The following ADGRG4 variants were observed in gnomAD, a reference collection of about 807,000 sequenced individuals.
ADGRG4 encodes adhesion G protein-coupled receptor G4.
Under a neutral mutation model 126.2 loss-of-function variants are expected in ADGRG4, and 122 were observed. The ratio of observed to expected loss-of-function variants is 0.97; its 90% CI spans 0.83 to 1.12. The LOEUF (loss-of-function observed/expected upper bound fraction) is 1.12, where lower values mean the gene tolerates loss of function less well. Ranked by LOEUF, ADGRG4 falls within the 50% of genes most tolerant of loss-of-function variation. The pLI is 0.00. For missense variants in ADGRG4, 2,481 were observed against 2,251.8 expected, an observed-to-expected ratio of 1.10 and a Z score of -2.06; for synonymous variants, 943 against 838.7, an observed-to-expected ratio of 1.12 and a Z score of -2.15.
chrX:136,394,909 C>T (rs764094791), intron 18 of ADGRG4, among the ~76,000 whole-genome samples: 1 of 111,650 alleles, frequency 9.0e-6, no homozygotes, highest in Admixed American at 9.5e-5. Context: ...AGAGCAGAGG[C>T]TCTAATTGGC....
chrX:136,400,024 G>T lies in ADGRG4; in HGVS notation c.8483G>T (p.Gly2828Val). 8.3e-7 allele frequency: 1 copy of T among 1,207,488 alleles called. No homozygotes were observed. The highest frequency in any genetic ancestry group is 1.1e-6 in the Non-Finnish European group (1 of 891,744). Residue 2828 changes from glycine (G) to valine (V), a missense_variant, in exon 21 of 26, where the codon GGC becomes GTC. By Grantham distance (109) the Gly-to-Val change is moderately radical. Transcript: ENST00000394143. ...CTGCTTGTTTCTTTTACTTGGATGG[G>T]CCTGGAGGCAGTCCACATGTATTTG... ...YFLLVSFTWM[G>V]LEAVHMYLAL...
intron 25 of ADGRG4, among the ~76,000 whole-genome samples, chrX:136,415,734 T>C (rs913930575): frequency 2.7e-5 from 3 of 111,860 alleles, no homozygotes; most frequent in African/African-American, 9.8e-5. Flanking sequence ...ATAACATTTT[T>C]CAAGAGGGTT....
At chrX:136,307,173 C>A (rs1364600199) in intron 3 of ADGRG4, among the ~76,000 whole-genome samples, 6 of 112,327 alleles carry the variant, frequency 5.3e-5, no homozygotes, top group Non-Finnish European at 1.1e-4. Context: ...TGCTGAAAAT[C>A]CCATTTTATA....
At chrX:136,416,195 G>A (rs2075474591) in intron 25 of ADGRG4, among the ~76,000 whole-genome samples, 1 of 111,607 alleles carries the variant, frequency 9.0e-6, no homozygotes, top group Middle Eastern at 4.2e-3. Flanking sequence ...CCTCTCCTAG[G>A]TTAAGGTTAA....
At position 136,393,699 on chromosome X, in the gene ADGRG4, T is replaced by G; in HGVS notation, c.8080+119T>G. 4 of 493,370 alleles carry G rather than the reference T, an allele frequency of 8.1e-6. No individual in the cohort carries two copies. In the Middle Eastern group the frequency reaches 1.4e-3, roughly 169 times the overall value. 40.7% of individuals were successfully genotyped at this position (493,370 alleles called of 1,213,427 possible). On this transcript the variant is annotated intron_variant, in intron 18 of 25. Transcript: ENST00000394143. ...ATCAGACCCTACAGAGCATTCTGAA[T>G]GACCAAGATACAGGATATGATTTTT... is the stretch of plus-strand genomic sequence containing the variant.
rs183550194 is a variant in ADGRG4, at chrX:136,305,667, G to T, written c.-10+644G>T. Among the ~76,000 whole-genome samples the T allele has an allele frequency of 2.7e-5, 3 of 112,344 alleles. No homozygotes were observed. The East Asian group carries it at 8.4e-4, about 31-fold the overall frequency. Reference sequence around the variant, plus strand: ...TACAGATGGAGTAAGATGTGAATATGTTCATGCCTCTTTGGCCTTTGCTTT... The same window carrying T: ...TACAGATGGAGTAAGATGTGAATATTTTCATGCCTCTTTGGCCTTTGCTTT... On this transcript the variant is annotated intron_variant, in intron 3 of 25. Transcript: ENST00000394143.
chrX:136,369,667 G>A (rs751541318), intron 13 of ADGRG4, among the ~76,000 whole-genome samples: 2 of 112,385 alleles, frequency 1.8e-5, no homozygotes, highest in South Asian at 7.5e-4. Flanking sequence ...AGAAAGGTCC[G>A]TGAATGAGCT....
chrX:136,362,775 G>A (rs1405612309), intron 12 of ADGRG4, among the ~76,000 whole-genome samples: 1 of 111,824 alleles, frequency 8.9e-6, no homozygotes, highest in African/African-American at 3.3e-5. Flanking sequence ...AATGCTGAAA[G>A]TAACGTCTCT....
chrX:136,304,549 C>A (rs180895602), intron 2 of ADGRG4, among the ~76,000 whole-genome samples: 1 of 112,311 alleles, frequency 8.9e-6, no homozygotes, highest in East Asian at 2.8e-4. Flanking sequence ...ATTAATTAAG[C>A]ACCTACTATG....
At chrX:136,333,324 G>T (rs1037654849) in intron 5 of ADGRG4, among the ~76,000 whole-genome samples, 2 of 110,944 alleles carry the variant, frequency 1.8e-5, no homozygotes, top group African/African-American at 6.6e-5. Flanking sequence ...GGGTTTCACC[G>T]TGTTAGCCAG....
Position 136,345,427 on chromosome X carries a change from T to C in ADGRG4, c.1721T>C (p.Val574Ala). The C allele has an allele frequency of 8.3e-7, 1 of 1,208,567 alleles. No individual in the cohort carries two copies. The highest frequency in any genetic ancestry group is 1.1e-6 in the Non-Finnish European group (1 of 892,741). The change falls in exon 6 of 26, where the codon GTT becomes GCT. Residue 574 changes from valine (V) to alanine (A), a missense_variant. By Grantham distance (64) the Val-to-Ala change is moderately conservative. Transcript: ENST00000394143. ...ACTGGGACTGAGAGTGTACAGACAGTTATTGATGCTGAAGCTACACGTACA... is the reference window on the plus strand; with the variant it reads ...ACTGGGACTGAGAGTGTACAGACAGCTATTGATGCTGAAGCTACACGTACA... ...SFTGTESVQT[V>A]IDAEATRTAL... is the part of the protein sequence containing the mutation.
chrX:136,368,739 A>G (rs2075174475), intron 13 of ADGRG4, among the ~76,000 whole-genome samples: 1 of 112,892 alleles, frequency 8.9e-6, no homozygotes, highest in Non-Finnish European at 1.9e-5. Context: ...TAATCACAAA[A>G]GCACAGATTA....
rs1477470279 is a variant in ADGRG4, at chrX:136,347,258, T to C, written c.3552T>C (p.Ala1184=). Residue 1184 remains alanine, a synonymous_variant, in exon 6 of 26, where the codon GCT becomes GCC. Transcript: ENST00000394143. ...AAGTAGAGGAGACTTCTACCTATGCTCTCAGCTTCCCATATACTTTCAGTG... is the reference window on the plus strand; with the variant it reads ...AAGTAGAGGAGACTTCTACCTATGCCCTCAGCTTCCCATATACTTTCAGTG... The part of the protein sequence containing the change: ...ISQVEETSTY[A]LSFPYTFSGG... 1 of 1,209,568 alleles carries C rather than the reference T, an allele frequency of 8.3e-7. No individual in the cohort carries two copies. Among genetic ancestry groups the C allele is most frequent in the African/African-American group, 1.8e-5 (1 of 57,131 alleles).
At position 136,371,353 on chromosome X, in the gene ADGRG4, T is replaced by A; in HGVS notation, c.7422T>A (p.His2474Gln). Residue 2474 changes from histidine to glutamine, a missense_variant, in exon 14 of 26, where the codon CAT becomes CAA. Transcript: ENST00000394143. ...AGAATGCTGAGGATGTTGCAGAGCA[T>A]ATTTTAAATTTGATAAATGAATCCC... ...SDENAEDVAE[H>Q]ILNLINESPA... The A allele has an allele frequency of 8.4e-7, 1 of 1,193,401 alleles. No homozygotes were observed. Among genetic ancestry groups the A allele is most frequent in the Non-Finnish European group, 1.1e-6 (1 of 884,293 alleles).
intron 13 of ADGRG4, 52 bp downstream of exon 13, chrX:136,363,647 C>A: frequency 1.3e-6 from 1 of 790,417 alleles, no homozygotes; most frequent in Non-Finnish European, 1.9e-6. Context: ...AATTACTTTG[C>A]CTACTTGACC....
In ADGRG4 at chrX:136,364,347, T is replaced by C. The variant is rs182074668; in HGVS notation, c.7396+752T>C. ...TGTATATTGTATACACACATATACT[T>C]GCCCTCACTTTTTGTACACAAAGTG... On this transcript the variant is annotated intron_variant, in intron 13 of 25. Transcript: ENST00000394143. Among the ~76,000 whole-genome samples the C allele has an allele frequency of 1.0e-3, 112 of 111,661 alleles. 1 individual carries two copies. The highest frequency in any genetic ancestry group is 1.1e-3 in the Non-Finnish European group (60 of 53,137).
chrX:136,344,952 C>G lies in ADGRG4; in HGVS notation c.1246C>G (p.Pro416Ala). 4 of 1,209,492 alleles carry G rather than the reference C, an allele frequency of 3.3e-6. No individual in the cohort carries two copies. The South Asian group carries it at 7.0e-5, about 21-fold the overall frequency. ...TIESTSMSTT[P>A]CLKQKSTNTG... The stretch of plus-strand genomic sequence containing the variant: ...TGAGTCAACATCTATGTCTACAACA[C>G]CTTGTCTCAAACAAAAATCCACAAA... Residue 416 changes from proline to alanine, a missense_variant, in exon 6 of 26, where the codon CCT (proline) becomes GCT (alanine). Coordinates refer to ENST00000394143, the MANE Select transcript of ADGRG4 (RefSeq NM_153834.4).
chrX:136,413,694 G>A (rs948059007), intron 24 of ADGRG4, among the ~76,000 whole-genome samples: 5 of 110,883 alleles, frequency 4.5e-5, no homozygotes, highest in African/African-American at 9.8e-5. Flanking sequence ...TCAGGTACCC[G>A]GAATGAACAC....
intron 22 of ADGRG4, among the ~76,000 whole-genome samples, chrX:136,404,492 C>CAGG (rs2075395028): frequency 8.9e-6 from 1 of 111,847 alleles, no homozygotes; most frequent in South Asian, 3.7e-4. Flanking sequence ...AAAATCCAAA[C>CAGG]GTACAACAGG....
Sources: gnomAD v4.1 joint callset for allele counts (sites outside exome capture counted in the v4.1 genomes callset) on GRCh38, gnomAD v4.1.1 for gene constraint, MANE v1.5 for transcripts, NCBI Gene and HGNC (gene_info 2026-07-23, HGNC 2026-07-21) for gene names.